The following GDAP1 variants were observed in gnomAD, a reference collection of about 807,000 sequenced individuals.
GDAP1 encodes the protein ganglioside induced differentiation associated protein 1.
GDAP1 carries 34 observed loss-of-function variants against 40.1 expected under a neutral mutation model. The ratio of observed to expected loss-of-function variants is 0.85; its 90% CI spans 0.64 to 1.13. GDAP1 has a LOEUF of 1.13. Among genes scored for constraint, GDAP1 ranks in the 50% most tolerant of loss-of-function variants. The pLI, the probability that GDAP1 is intolerant of heterozygous loss-of-function variation, is 0.00. For missense variants in GDAP1, 374 were observed against 433.7 expected, an observed-to-expected ratio of 0.86 and a Z score of 1.22; for synonymous variants, 170 against 157.4, an observed-to-expected ratio of 1.08 and a Z score of -0.60.
In GDAP1 at chr8:74,350,440, A is replaced by C. The variant is rs749000336; in HGVS notation, c.-22A>C. On this transcript the variant is annotated 5_prime_UTR_variant, in exon 1 of 6. Transcript: ENST00000220822. ...AGTCCAGGGCGGACAGGCTGGGCGC[A>C]CCCGTGCTCGCGCACCCCAAGATGG... The C allele has an allele frequency of 2.2e-5, 32 of 1,453,872 alleles. No homozygotes were observed. The highest frequency in any genetic ancestry group is 3.0e-5 in the Non-Finnish European group (31 of 1,036,906). The allele number at this position is 1,453,872 out of a possible 1,614,324, so 90.1% of individuals were successfully genotyped here. A position where few individuals can be genotyped will look rare whatever the true frequency, so the allele number is the denominator to read the frequency against.
At chr8:74,363,147 T>C in intron 5 of GDAP1, 94 bp downstream of exon 5, 1 of 724,972 alleles carries the variant, frequency 1.4e-6, no homozygotes. Flanking sequence ...TGTAATCTGC[T>C]TTTCATTGTT....
At chr8:74,383,194 T>C (rs1809979501) in intron 2 of GDAP1, among the ~76,000 whole-genome samples, 1 of 152,220 alleles carries the variant, frequency 6.6e-6, no homozygotes, top group Admixed American at 6.5e-5. Context: ...GATCGACCTT[T>C]CAGTACCTTA....
intron 2 of GDAP1, among the ~76,000 whole-genome samples, chr8:74,355,980 A>G (rs1289880208): frequency 6.6e-6 from 1 of 152,092 alleles, no homozygotes; most frequent in Non-Finnish European, 1.5e-5. Context: ...ATTTCATCAA[A>G]TGTAACATTT....
At chr8:74,408,769 C>T (rs533060466) in intron 2 of GDAP1, among the ~76,000 whole-genome samples, 4 of 150,180 alleles carry the variant, frequency 2.7e-5, no homozygotes, top group South Asian at 2.1e-4. Context: ...ATTGAATTCT[C>T]GACTTATTGG....
chr8:74,416,227 T>C lies in GDAP1; in HGVS notation c.165+64906T>C, dbSNP rs112801273. Among the ~76,000 whole-genome samples, 959 of 149,962 alleles carry C rather than the reference T, an allele frequency of 6.4e-3. 106 individuals are homozygous for C. Among genetic ancestry groups the C allele is most frequent in the African/African-American group, 0.023 (923 of 39,360 alleles). On this transcript the variant is annotated intron_variant, in intron 2 of 2. Coordinates refer to the GDAP1 transcript ENST00000523640. ...GGACTTGCCCGACCCAGCCCCAACC[T>C]GGCTTTGCCCCTCCACCTGCCCTGG... is the stretch of plus-strand genomic sequence containing the variant.
chr8:74,401,341 G>T (rs1159862194), intron 2 of GDAP1, among the ~76,000 whole-genome samples: 1 of 149,372 alleles, frequency 6.7e-6, no homozygotes, highest in Non-Finnish European at 1.5e-5. Flanking sequence ...CCAGTTGATC[G>T]CATTAGCTCC....
At chr8:74,360,872 G>T (rs937147047) in intron 3 of GDAP1, among the ~76,000 whole-genome samples, 5 of 152,192 alleles carry the variant, frequency 3.3e-5, no homozygotes, top group Admixed American at 2.6e-4. Context: ...TTATAGCAGA[G>T]ATAATTGGAG....
At chr8:74,378,753 C>G (rs184393579) in intron 2 of GDAP1, among the ~76,000 whole-genome samples, 39 of 152,274 alleles carry the variant, frequency 2.6e-4, no homozygotes, top group African/African-American at 8.7e-4. Flanking sequence ...ACATAGCTAT[C>G]CTATTTCTCT....
At chr8:74,384,325 A>G (rs1809995555) in intron 2 of GDAP1, among the ~76,000 whole-genome samples, 1 of 152,074 alleles carries the variant, frequency 6.6e-6, no homozygotes, top group African/African-American at 2.4e-5. Context: ...CTCTTTTTCA[A>G]CCACTGTTTT....
At chr8:74,436,874 A>G (rs1448655231) in intron 2 of GDAP1, among the ~76,000 whole-genome samples, 1 of 152,208 alleles carries the variant, frequency 6.6e-6, no homozygotes. Flanking sequence ...ATTAGGACTC[A>G]AAAATTTTTC....
chr8:74,414,804 G>A (rs1805758623), intron 2 of GDAP1, among the ~76,000 whole-genome samples: 1 of 149,856 alleles, frequency 6.7e-6, no homozygotes, highest in African/African-American at 2.5e-5. Flanking sequence ...CAAATTTAGT[G>A]AAACACAAAG....
intron 2 of GDAP1, among the ~76,000 whole-genome samples, chr8:74,401,079 C>T (rs1370942125): frequency 2.0e-5 from 3 of 149,110 alleles, no homozygotes; most frequent in Non-Finnish European, 4.4e-5. Flanking sequence ...CTCTGTATTT[C>T]CTGAATCTGA....
intron 2 of GDAP1, among the ~76,000 whole-genome samples, chr8:74,465,969 C>T (rs942351073): frequency 1.3e-5 from 2 of 152,124 alleles, no homozygotes; most frequent in African/African-American, 4.8e-5. Context: ...TAATTTCATT[C>T]TTAACTAATC....
chr8:74,447,215 C>T (rs1806240174), intron 2 of GDAP1, among the ~76,000 whole-genome samples: 1 of 152,052 alleles, frequency 6.6e-6, no homozygotes, highest in Non-Finnish European at 1.5e-5. Context: ...GCTCTTTTTA[C>T]CCTGTGTCTT....
At chr8:74,407,804 A>G (rs561687174) in intron 2 of GDAP1, among the ~76,000 whole-genome samples, 1 of 148,544 alleles carries the variant, frequency 6.7e-6, no homozygotes, top group East Asian at 1.9e-4. Context: ...CAATACCTTG[A>G]CAATTGCAGG....
At chr8:74,369,588 A>C (rs2131530102), downstream of GDAP1, among the ~76,000 whole-genome samples, 1 of 151,864 alleles carries the variant, frequency 6.6e-6, no homozygotes, top group Non-Finnish European at 1.5e-5. Context: ...CGGGAGTTCT[A>C]AAAAGAGAAC....
At chr8:74,402,342 G>A (rs1045311552) in intron 2 of GDAP1, among the ~76,000 whole-genome samples, 6 of 150,430 alleles carry the variant, frequency 4.0e-5, no homozygotes, top group African/African-American at 1.0e-4. Flanking sequence ...CTCCGTGGGC[G>A]TAGGACCCTC....
intron 2 of GDAP1, among the ~76,000 whole-genome samples, chr8:74,435,029 A>G (rs1017562679): frequency 5.9e-5 from 9 of 152,164 alleles, no homozygotes; most frequent in African/African-American, 2.2e-4. Flanking sequence ...AATATATTGA[A>G]TGGCAGCCAC....
At chr8:74,355,592 G>A (rs180791004) in intron 2 of GDAP1, among the ~76,000 whole-genome samples, 1 of 152,312 alleles carries the variant, frequency 6.6e-6, no homozygotes, top group East Asian at 1.9e-4. Flanking sequence ...AAGAATGGAT[G>A]TGACAAGGTG....
Sources: gnomAD v4.1 joint callset for allele counts (sites outside exome capture counted in the v4.1 genomes callset) on GRCh38, gnomAD v4.1.1 for gene constraint, MANE v1.5 for transcripts, NCBI Gene and HGNC (gene_info 2026-07-23, HGNC 2026-07-21) for gene names.